C7orf33: variants seen among roughly 807,000 people sequenced by gnomAD.
C7orf33 encodes uncharacterized protein C7orf33.
Under a neutral mutation model 13.4 loss-of-function variants are expected in C7orf33, and 15 were observed. The observed-to-expected ratio is 1.12, with a 90% CI of 0.75 to 1.72. The LOEUF is 1.72. C7orf33 is among the 40% of genes most tolerant of loss of function. The probability of loss-of-function intolerance (pLI) is 0.00; values close to 1 mark genes in which losing one functional copy is unlikely to be tolerated. For missense variants in C7orf33, 187 were observed against 220.3 expected, an observed-to-expected ratio of 0.85 and a Z score of 0.96; for synonymous variants, 73 against 83.2, an observed-to-expected ratio of 0.88 and a Z score of 0.67.
intron 1 of C7orf33, among the ~76,000 whole-genome samples, chr7:148,605,711 A>G (rs1796465242): frequency 6.6e-6 from 1 of 152,160 alleles, no homozygotes; most frequent in African/African-American, 2.4e-5. Flanking sequence ...CCCCACCTCT[A>G]AGTTCCTACT....
chr7:148,593,553 C>T (rs530921453), intron 1 of C7orf33, among the ~76,000 whole-genome samples: 10 of 152,304 alleles, frequency 6.6e-5, no homozygotes, highest in African/African-American at 2.4e-4. Flanking sequence ...GTGTGAGCCA[C>T]TGCAACTGGC....
chr7:148,594,263 C>G (rs1319143415), intron 1 of C7orf33, among the ~76,000 whole-genome samples: 2 of 151,368 alleles, frequency 1.3e-5, no homozygotes, highest in Non-Finnish European at 2.9e-5. Context: ...GCAAGCTCCG[C>G]CTCCCGGGTT....
At chr7:148,611,512 A>T (rs564122337) in intron 1 of C7orf33, among the ~76,000 whole-genome samples, 104 of 152,252 alleles carry the variant, frequency 6.8e-4, no homozygotes, top group African/African-American at 2.5e-3. Flanking sequence ...ACTCCAGGGA[A>T]AGATTATTTC....
At position 148,615,519 on chromosome 7, in the gene C7orf33, T is replaced by C; in HGVS notation, c.*118T>C. 1 of 665,518 alleles carries C rather than the reference T, an allele frequency of 1.5e-6. No homozygotes were observed. Among genetic ancestry groups the C allele is most frequent in the South Asian group, 1.7e-5 (1 of 57,432 alleles). The allele number at this position is 665,518 out of a possible 1,614,324, so 41.2% of individuals were successfully genotyped here. On this transcript the variant is annotated 3_prime_UTR_variant, in exon 3 of 3. Transcript: ENST00000307003. ...GAAATAACAGTTGATGAAAACTTGG[T>C]AATCTGAAGTCTGAACTTTGAACAC...
Position 148,614,057 on chromosome 7 carries a change from CA to C in C7orf33, c.224del (p.Asn75ThrfsTer2), listed in dbSNP as rs1315698693. On this transcript the variant is annotated frameshift_variant, in exon 2 of 3. Coordinates refer to ENST00000307003, the MANE Select transcript of C7orf33 (RefSeq NM_145304.4). LOFTEE classifies it high-confidence loss of function. ...TGRHKKPNPH[Q>X]NMNRGMEFIA... ...TTTTTTCCAGAAGCCAAACCCACACCAAAACATGAACCGGGGGATGGAATTT... is the reference window on the plus strand; with the variant it reads ...TTTTTTCCAGAAGCCAAACCCACACCAAACATGAACCGGGGGATGGAATTT... 1.9e-6 allele frequency: 3 copies of C among 1,613,856 alleles called. No individual in the cohort carries two copies. The highest frequency in any genetic ancestry group is 2.2e-5 in the South Asian group (2 of 91,058).
intron 1 of C7orf33, among the ~76,000 whole-genome samples, chr7:148,611,880 C>A (rs1173517941): frequency 6.6e-6 from 1 of 152,228 alleles, no homozygotes; most frequent in African/African-American, 2.4e-5. Context: ...GCATGCTCCC[C>A]CTAGGGGTTT....
chr7:148,610,526 C>A (rs188709229), intron 1 of C7orf33, among the ~76,000 whole-genome samples: 142 of 152,222 alleles, frequency 9.3e-4, no homozygotes, highest in African/African-American at 3.3e-3. Flanking sequence ...TATTGTGGAG[C>A]CTTGTGAGCA....
At chr7:148,603,738 C>G (rs543596724) in intron 1 of C7orf33, among the ~76,000 whole-genome samples, 1 of 152,258 alleles carries the variant, frequency 6.6e-6, no homozygotes, top group South Asian at 2.1e-4. Context: ...GTTAAAGAAC[C>G]TGTACTTCAC....
intron 1 of C7orf33, among the ~76,000 whole-genome samples, chr7:148,610,731 A>G (rs1352074222): frequency 7.9e-5 from 12 of 152,124 alleles, no homozygotes; most frequent in African/African-American, 2.9e-4. Context: ...AATTTTACAT[A>G]GTATGGGGGA....
At position 148,614,215 on chromosome 7, in the gene C7orf33, C is replaced by T. The variant is rs199640449; in HGVS notation, c.378C>T (p.Val126=). The change falls in exon 2 of 3, where the codon GTC becomes GTT. Residue 126 remains valine, a synonymous_variant. Transcript: ENST00000307003. ...TGGGCTTGTCCTCAGATCCAGTTGTCGGCACCTTGTCTTCCAGTTACCTAG... is the reference window on the plus strand; with the variant it reads ...TGGGCTTGTCCTCAGATCCAGTTGTTGGCACCTTGTCTTCCAGTTACCTAG... ...TRMGLSSDPV[V]GTLSSSYLDL... is the part of the protein sequence containing the mutation. 148 of 1,614,052 alleles carry T rather than the reference C, an allele frequency of 9.2e-5. No individual in the cohort carries two copies. The highest frequency in any genetic ancestry group is 1.2e-4 in the Admixed American group (7 of 60,000).
At chr7:148,611,922 A>G (rs1283039874) in intron 1 of C7orf33, among the ~76,000 whole-genome samples, 1 of 152,196 alleles carries the variant, frequency 6.6e-6, no homozygotes, top group Non-Finnish European at 1.5e-5. Context: ...GGTGAGCCAC[A>G]CCTGTGTTGC....
At chr7:148,594,215 G>C (rs1226591348) in intron 1 of C7orf33, among the ~76,000 whole-genome samples, 1 of 139,218 alleles carries the variant, frequency 7.2e-6, no homozygotes, top group African/African-American at 2.7e-5. Context: ...TCGCTCTGTC[G>C]CCCAGGCTGG....
At chr7:148,613,801 C>T (rs1796572919) in intron 1 of C7orf33, among the ~76,000 whole-genome samples, 1 of 152,136 alleles carries the variant, frequency 6.6e-6, no homozygotes, top group Admixed American at 6.5e-5. Flanking sequence ...GGTGTATTAC[C>T]TGTGAATGAT....
intron 1 of C7orf33, among the ~76,000 whole-genome samples, chr7:148,595,722 A>G (rs1050337142): frequency 7.2e-6 from 1 of 138,154 alleles, no homozygotes; most frequent in Non-Finnish European, 1.5e-5. Flanking sequence ...TATATTATAT[A>G]TAATATACAT....
chr7:148,612,166 G>A (rs1796551037), intron 1 of C7orf33, among the ~76,000 whole-genome samples: 1 of 152,206 alleles, frequency 6.6e-6, no homozygotes, highest in African/African-American at 2.4e-5. Flanking sequence ...GACCATGACT[G>A]ACAGAGATCT....
At chr7:148,591,622 C>T (rs921886660) in intron 1 of C7orf33, among the ~76,000 whole-genome samples, 1 of 152,042 alleles carries the variant, frequency 6.6e-6, no homozygotes, top group African/African-American at 2.4e-5. Flanking sequence ...GCTCTGTCAC[C>T]CAGGCTGGAG....
chr7:148,611,548 C>T lies in C7orf33; in HGVS notation c.205-2494C>T, dbSNP rs555732117. ...CCCCACCCCTTCAACTTCCGGCTCC[C>T]CATCCATGTTGCTGAGTGCCGCCTC... On this transcript the variant is annotated intron_variant, in intron 1 of 2. Transcript: ENST00000307003. Among the ~76,000 whole-genome samples, 223 of 152,314 alleles carry T rather than the reference C, an allele frequency of 1.5e-3. 1 individual carries two copies. Among genetic ancestry groups the T allele is most frequent in the Non-Finnish European group, 2.2e-3 (150 of 68,028 alleles).
chr7:148,595,005 A>T (rs1412238011), intron 1 of C7orf33, among the ~76,000 whole-genome samples: 2 of 151,992 alleles, frequency 1.3e-5, no homozygotes, highest in Non-Finnish European at 2.9e-5. Context: ...GACTCTTAAG[A>T]AGCAGAAAGT....
chr7:148,593,482 C>G (rs1052425097), intron 1 of C7orf33, among the ~76,000 whole-genome samples: 2 of 152,012 alleles, frequency 1.3e-5, no homozygotes. Flanking sequence ...CCAGGCTGGT[C>G]TCGAACTCCT....
Sources: gnomAD v4.1 joint callset for allele counts (sites outside exome capture counted in the v4.1 genomes callset) on GRCh38, gnomAD v4.1.1 for gene constraint, MANE v1.5 for transcripts, NCBI Gene and HGNC (gene_info 2026-07-23, HGNC 2026-07-21) for gene names.